Variants in RAVER2 observed in about 807,000 individuals in gnomAD.
RAVER2 encodes ribonucleoprotein, PTB binding 2, also known as ribonucleoprotein PTB-binding 2.
Under a neutral mutation model 78.1 loss-of-function variants are expected in RAVER2, and 46 were observed. The ratio of observed to expected loss-of-function variants is 0.59; its 90% confidence interval spans 0.46 to 0.75. The LOEUF is 0.75. Among genes scored for constraint, RAVER2 ranks in the 30% least tolerant of loss-of-function variants. RAVER2 has a pLI of 0.00. For synonymous variants in RAVER2, 311 were observed against 313.3 expected, an observed-to-expected ratio of 0.99 and a Z score of 0.08; for missense variants, 793 against 837.5, an observed-to-expected ratio of 0.95 and a Z score of 0.66.
At chr1:64,794,184 G>A (rs1653027493) in intron 5 of RAVER2, among the ~76,000 whole-genome samples, 1 of 152,072 alleles carries the variant, frequency 6.6e-6, no homozygotes, top group Non-Finnish European at 1.5e-5. Flanking sequence ...GTCGAGGCGA[G>A]CGGATCACGA....
chr1:64,806,527 A>C (rs72920103), intron 8 of RAVER2, among the ~76,000 whole-genome samples: 3,448 of 152,354 alleles, frequency 0.023, 156 homozygotes, highest in African/African-American at 0.079. Context: ...TACTGATTTA[A>C]AAAAAGAAAC....
intron 2 of RAVER2, among the ~76,000 whole-genome samples, chr1:64,772,513 AGATTAC>A (rs1652345550): frequency 6.6e-6 from 1 of 152,180 alleles, no homozygotes; most frequent in Non-Finnish European, 1.5e-5. Context: ...CTAAGCAAAT[AGATTAC>A]GATGTGATGT....
At chr1:64,773,693 C>A (rs1652383666) in intron 2 of RAVER2, among the ~76,000 whole-genome samples, 1 of 152,178 alleles carries the variant, frequency 6.6e-6, no homozygotes, top group Admixed American at 6.5e-5. Flanking sequence ...TGGGTATATA[C>A]CCAGTAATGG....
exon 10 of RAVER2, chr1:64,812,841 G>A: frequency 6.3e-7 from 1 of 1,598,142 alleles, no homozygotes. Context: ...CCCAGTGTGT[G>A]CTTATCATGT....
intron 1 of RAVER2, among the ~76,000 whole-genome samples, chr1:64,746,221 AG>A (rs1261136144): frequency 6.6e-6 from 1 of 152,210 alleles, no homozygotes; most frequent in Non-Finnish European, 1.5e-5. Flanking sequence ...AGAAGCACAA[AG>A]GGGACACAGA....
At chr1:64,798,912 C>A (rs1653179124) in intron 5 of RAVER2, among the ~76,000 whole-genome samples, 1 of 152,158 alleles carries the variant, frequency 6.6e-6, no homozygotes, top group African/African-American at 2.4e-5. Context: ...CCACCTCAAA[C>A]ATCCATCATA....
chr1:64,766,796 C>T (rs532232697), intron 1 of RAVER2, among the ~76,000 whole-genome samples: 4 of 152,126 alleles, frequency 2.6e-5, no homozygotes, highest in African/African-American at 4.8e-5. Context: ...TCAAAAAAAC[C>T]GTGTCACCTT....
intron 5 of RAVER2, 28 bp downstream of exon 5, chr1:64,789,542 A>C: frequency 7.1e-7 from 1 of 1,402,936 alleles, no homozygotes; most frequent in Non-Finnish European, 9.3e-7. Context: ...ATACTGATTA[A>C]TTAAAGAATG....
At chr1:64,753,403 T>G (rs1282318492) in intron 1 of RAVER2, among the ~76,000 whole-genome samples, 1 of 152,102 alleles carries the variant, frequency 6.6e-6, no homozygotes, top group Non-Finnish European at 1.5e-5. Context: ...ACAAATAAGG[T>G]ATCCTATTCC....
intron 2 of RAVER2, among the ~76,000 whole-genome samples, chr1:64,769,390 C>A (rs1652256801): frequency 6.6e-6 from 1 of 152,042 alleles, no homozygotes; most frequent in African/African-American, 2.4e-5. Context: ...CATTCCCTCC[C>A]AGCCTCCTTG....
At chr1:64,795,531 G>T (rs759092323) in intron 5 of RAVER2, among the ~76,000 whole-genome samples, 1 of 151,894 alleles carries the variant, frequency 6.6e-6, no homozygotes, top group African/African-American at 2.4e-5. Context: ...TACATCTTTG[G>T]TCAGATTTAT....
At chr1:64,830,350 T>C (rs1654096925) in intron 11 of RAVER2, among the ~76,000 whole-genome samples, 1 of 152,204 alleles carries the variant, frequency 6.6e-6, no homozygotes, top group South Asian at 2.1e-4. Context: ...CTCTCTAGAA[T>C]GTTTCATGTT....
intron 5 of RAVER2, among the ~76,000 whole-genome samples, chr1:64,792,430 C>T (rs1474716474): frequency 6.6e-6 from 1 of 152,206 alleles, no homozygotes; most frequent in African/African-American, 2.4e-5. Context: ...ATACCACATT[C>T]TTAGGTCTTT....
chr1:64,817,765 A>C, intron 11 of RAVER2, among the ~76,000 whole-genome samples: 1 of 108,182 alleles, frequency 9.2e-6, no homozygotes, highest in Admixed American at 1.0e-4. Context: ...GGGTGGGGGG[A>C]GGGGCAGGGA....
chr1:64,792,800 C>T (rs181807629), intron 5 of RAVER2, among the ~76,000 whole-genome samples: 26 of 152,204 alleles, frequency 1.7e-4, no homozygotes, highest in African/African-American at 3.6e-4. Flanking sequence ...CAATAAATTC[C>T]GTTTATTTTT....
chr1:64,781,459 A>C, exon 4 of RAVER2: 1 of 1,614,070 alleles, frequency 6.2e-7, no homozygotes, highest in South Asian at 1.1e-5. Flanking sequence ...GAAGAGGTCC[A>C]GCAGGCAGCA....
At chr1:64,814,962 T>A in intron 11 of RAVER2, 122 bp downstream of exon 11, 1 of 831,714 alleles carries the variant, frequency 1.2e-6, no homozygotes, top group Non-Finnish European at 1.7e-6. Flanking sequence ...TGCACTGATC[T>A]ATGTATTTCT....
intron 1 of RAVER2, among the ~76,000 whole-genome samples, chr1:64,753,859 A>T (rs1227992573): frequency 6.6e-6 from 1 of 152,024 alleles, no homozygotes; most frequent in Non-Finnish European, 1.5e-5. Context: ...CCTTCAAATG[A>T]CTAGTTTTTA....
In RAVER2 at chr1:64,807,192, A is replaced by T. The variant is rs552754128; in HGVS notation, c.1412-14A>T. 9 of 1,593,866 alleles carry T rather than the reference A, an allele frequency of 5.6e-6. No homozygotes were observed. The highest frequency in any genetic ancestry group is 3.5e-5 in the Admixed American group (2 of 57,644). ...TTCTAACTAAAAGCTTTTTGCATTT[A>T]TGGTTTGCTACAGCATCTAGCCTGA... On this transcript the variant is annotated splice_polypyrimidine_tract_variant and intron_variant, in intron 8 of 11. Transcript: ENST00000294428.
Sources: gnomAD v4.1 joint callset for allele counts (sites outside exome capture counted in the v4.1 genomes callset) on GRCh38, gnomAD v4.1.1 for gene constraint, MANE v1.5 for transcripts, NCBI Gene and HGNC (gene_info 2026-07-23, HGNC 2026-07-21) for gene names.